GPS2: variants seen among roughly 807,000 people sequenced by gnomAD.
The protein encoded by GPS2 is GPS-2.
GPS2 carries 22 observed loss-of-function variants against 48.1 expected under a neutral mutation model. That is an observed-to-expected ratio of 0.46 (90% CI 0.33 to 0.65). GPS2 has a LOEUF of 0.65. Ranked by LOEUF, GPS2 falls within the 30% of genes least tolerant of loss-of-function variation. The probability of loss-of-function intolerance (pLI) is 0.03; values close to 1 mark genes in which losing one functional copy is unlikely to be tolerated. For synonymous variants in GPS2, 202 were observed against 142.5 expected (o/e 1.42, Z -2.98); for missense variants, 366 against 406.8 (o/e 0.90, Z 0.86).
At position 7,312,713 on chromosome 17, in the gene GPS2, A is replaced by G. The variant is rs778631531; in HGVS notation, c.*43T>C. On this transcript the variant is annotated 3_prime_UTR_variant, in exon 11 of 11. Transcript: ENST00000380728. Reference sequence around the variant, plus strand: ...GGACACACAGGGGATACCCTCACCCACGATGGGGTGGGGGGTGTGGTGTTG... The same window carrying G: ...GGACACACAGGGGATACCCTCACCCGCGATGGGGTGGGGGGTGTGGTGTTG... 1.4e-6 allele frequency: 2 copies of G among 1,456,144 alleles called. No homozygotes were observed. Among genetic ancestry groups the G allele is most frequent in the African/African-American group, 1.4e-5 (1 of 71,924 alleles). 90.2% of individuals were successfully genotyped at this position (1,456,144 alleles called of 1,614,324 possible).
chr17:7,313,836 G>T, intron 6 of GPS2, 70 bp downstream of exon 6: 1 of 1,565,882 alleles, frequency 6.4e-7, no homozygotes, highest in South Asian at 1.1e-5. Context: ...ATATGTTTGT[G>T]ACTTGAATAC....
Position 7,313,239 on chromosome 17 carries a change from A to G in GPS2, c.777T>C (p.Ala259=). Residue 259 remains alanine (A), a synonymous_variant, in exon 9 of 11, where the codon GCT becomes GCC. Transcript: ENST00000380728. ...ALSLQKQMEH[A]NQQTGFSDSS... ...AGTCGGAGAAGCCAGTCTGCTGGTT[A>G]GCATGTTCCATCTGCTTTTGCAAGG... 5.0e-6 allele frequency: 8 copies of G among 1,614,210 alleles called. No homozygotes were observed. Among genetic ancestry groups the G allele is most frequent in the Non-Finnish European group, 6.8e-6 (8 of 1,180,028 alleles).
intron 2 of GPS2, 102 bp from the exon 3 acceptor site, chr17:7,314,699 T>A: frequency 1.3e-6 from 2 of 1,587,276 alleles, no homozygotes; most frequent in Non-Finnish European, 1.7e-6. Context: ...CACGCCTGTA[T>A]GCTCTTTGCC....
chr17:7,314,224 G>A (rs868224295), intron 4 of GPS2, 65 bp from the exon 5 acceptor site: 2 of 1,591,408 alleles, frequency 1.3e-6, no homozygotes, highest in Non-Finnish European at 1.7e-6. Flanking sequence ...ATTAAACACT[G>A]GTTCTTTTAC....
In GPS2 at chr17:7,314,408, G is replaced by A. The variant is rs745728690; in HGVS notation, c.205-5C>T. 15 of 1,614,166 alleles carry A rather than the reference G, an allele frequency of 9.3e-6. No homozygotes were observed. In the South Asian group the frequency reaches 1.2e-4, roughly 13 times the overall value. ...CTTCTCCTCCAACTTCAGAATCTGGGATGGGGTGGGAAAAGAAGATGAAGG... is the reference window on the plus strand; with the variant it reads ...CTTCTCCTCCAACTTCAGAATCTGGAATGGGGTGGGAAAAGAAGATGAAGG... On this transcript the variant is annotated splice_region_variant and splice_polypyrimidine_tract_variant and intron_variant, in intron 3 of 10. Coordinates refer to ENST00000380728, the MANE Select transcript of GPS2 (RefSeq NM_004489.5).
chr17:7,313,386 G>C lies in GPS2; in HGVS notation c.718C>G (p.Gln240Glu). The part of the protein sequence containing the change: ...YAVHGHFQPT[Q>E]TGFLQPGGAL... ...CTGCATGGGATGTTATCACCTGTCTGAGTGGGCTGAAAGTGGCCATGCACA... is the reference window on the plus strand; with the variant it reads ...CTGCATGGGATGTTATCACCTGTCTCAGTGGGCTGAAAGTGGCCATGCACA... Residue 240 changes from glutamine to glutamate, a missense_variant, in exon 8 of 11, where the codon CAG becomes GAG. Physicochemically the swap from Gln to Glu is conservative, Grantham distance 29 (BLOSUM62 2). Coordinates refer to ENST00000380728, the MANE Select transcript of GPS2 (RefSeq NM_004489.5). The C allele has an allele frequency of 1.2e-6, 2 of 1,613,998 alleles. No homozygotes were observed. The highest frequency in any genetic ancestry group is 8.5e-7 in the Non-Finnish European group (1 of 1,179,840).
rs750554612 is a variant in GPS2 at position 7,315,005 on chromosome 17, C to A, written c.48G>T (p.Arg16Ser). ...CCATCATAATGTGCCGGTGCAGCGC[C>A]CTGGCCATGGCGTTGGAAAGCTTGG... is the stretch of plus-strand genomic sequence containing the variant. ...ERPKLSNAMA[R>S]ALHRHIMMER... Residue 16 changes from arginine (R) to serine (S), a missense_variant, in exon 2 of 11, where the codon AGG becomes AGT. Physicochemically the swap from Arg to Ser is moderately radical, Grantham distance 110 (BLOSUM62 -1). Coordinates refer to ENST00000380728, the MANE Select transcript of GPS2 (RefSeq NM_004489.5). 1 of 1,604,104 alleles carries A rather than the reference C, an allele frequency of 6.2e-7. No individual in the cohort carries two copies. The highest frequency in any genetic ancestry group is 8.5e-7 in the Non-Finnish European group (1 of 1,176,172).
At chr17:7,312,990 G>T in intron 10 of GPS2, 39 bp downstream of exon 10, 1 of 1,479,318 alleles carries the variant, frequency 6.8e-7, no homozygotes, top group South Asian at 1.2e-5. Context: ...GATCCCTAGT[G>T]TAGGGATTCT....
Position 7,312,682 on chromosome 17 carries a change from G to A in GPS2, c.*74C>T, listed in dbSNP as rs1311827947. On this transcript the variant is annotated 3_prime_UTR_variant, in exon 11 of 11. Transcript: ENST00000380728. ...GGGGCAGTGGCAGGTAGATTTTATTGGCCTGGGACACACAGGGGATACCCT... is the reference window on the plus strand; with the variant it reads ...GGGGCAGTGGCAGGTAGATTTTATTAGCCTGGGACACACAGGGGATACCCT... The A allele has an allele frequency of 6.0e-5, 71 of 1,184,208 alleles. No homozygotes were observed. In the East Asian group the frequency reaches 1.6e-3, roughly 27 times the overall value. The allele number at this position is 1,184,208 out of a possible 1,614,324, so 73.4% of individuals were successfully genotyped here.
intron 2 of GPS2, 163 bp from the exon 3 acceptor site, chr17:7,314,760 C>T (rs1322757438): frequency 7.1e-7 from 1 of 1,399,740 alleles, no homozygotes; most frequent in East Asian, 2.3e-5. Flanking sequence ...AAGGCTTTAT[C>T]AGGTGCTCTC....
Position 7,312,737 on chromosome 17 carries a change from TGAA to T in GPS2, c.*16_*18del, listed in dbSNP as rs1185139906. The T allele has an allele frequency of 5.0e-6, 8 of 1,598,550 alleles. No homozygotes were observed. The highest frequency in any genetic ancestry group is 6.9e-6 in the Non-Finnish European group (8 of 1,165,970). The stretch of plus-strand genomic sequence containing the variant: ...CACGATGGGGTGGGGGGTGTGGTGT[TGAA>T]GATATAATCTGATGGTCACTTGTGG... On this transcript the variant is annotated 3_prime_UTR_variant, in exon 11 of 11. Coordinates refer to ENST00000380728, the MANE Select transcript of GPS2 (RefSeq NM_004489.5).
At chr17:7,312,996 A>T in intron 10 of GPS2, 33 bp downstream of exon 10, 1 of 1,512,236 alleles carries the variant, frequency 6.6e-7, no homozygotes, top group South Asian at 1.2e-5. Context: ...TAGTGTAGGG[A>T]TTCTGACAGG....
rs1410562729 is a variant in GPS2 at position 7,313,077 on chromosome 17, T to G, written c.852A>C (p.Gly284=). 1.3e-6 allele frequency: 2 copies of G among 1,568,384 alleles called. No individual in the cohort carries two copies. Among genetic ancestry groups the G allele is most frequent in the South Asian group, 1.2e-5 (1 of 83,682 alleles). The part of the protein sequence containing the change: ...MHPQALHPAP[G]LLASPQLPVQ... ...CAGGGAGCTGGGGGGAAGCAAGGAG[T>G]CCAGGGGCTGGATGCAGAGCCTGGG... The change falls in exon 10 of 11, where the codon GGA becomes GGC. Residue 284 remains glycine, a synonymous_variant. Coordinates refer to ENST00000380728, the MANE Select transcript of GPS2 (RefSeq NM_004489.5).
Position 7,315,072 on chromosome 17 carries a change from G to A in GPS2, c.-20C>T, listed in dbSNP as rs1192458296. 4 of 1,555,048 alleles carry A rather than the reference G, an allele frequency of 2.6e-6. No homozygotes were observed. The highest frequency in any genetic ancestry group is 3.5e-6 in the Non-Finnish European group (4 of 1,151,296). On this transcript the variant is annotated 5_prime_UTR_variant, in exon 2 of 11. Coordinates refer to ENST00000380728, the MANE Select transcript of GPS2 (RefSeq NM_004489.5). ...GGGCATGGTGCTGCCGTGGGCGCTC[G>A]GGCCGTGGGCGCCCGGCTGTCTCTG...
At chr17:7,314,054 C>T in intron 5 of GPS2, 26 bp downstream of exon 5, 1 of 1,611,494 alleles carries the variant, frequency 6.2e-7, no homozygotes, top group South Asian at 1.1e-5. Context: ...AGGCCGGTTC[C>T]ATCTGGTGGT....
rs376328573 is a variant in GPS2, at chr17:7,313,598, G to C, written c.604C>G (p.Pro202Ala). ...QPPPHYGPTQ[P>A]AYSPSQQLRA... ...AGCTGCTGACTAGGACTATAAGCTG[G>C]CTGTGTGGGCCCATAGTGAGGTGGG... Residue 202 changes from proline (P) to alanine (A), a missense_variant, in exon 7 of 11, where the codon CCA becomes GCA. Pro to Ala is a conservative substitution (Grantham distance 27). Coordinates refer to ENST00000380728, the MANE Select transcript of GPS2 (RefSeq NM_004489.5). The C allele has an allele frequency of 3.0e-5, 49 of 1,613,966 alleles. No individual in the cohort carries two copies. Among genetic ancestry groups the C allele is most frequent in the African/African-American group, 5.3e-5 (4 of 74,874 alleles).
Position 7,313,688 on chromosome 17 carries a change from C to G in GPS2, c.514G>C (p.Ala172Pro). 6.2e-7 allele frequency: 1 copy of G among 1,614,120 alleles called. No homozygotes were observed. Among genetic ancestry groups the G allele is most frequent in the Non-Finnish European group, 8.5e-7 (1 of 1,180,020 alleles). Reference sequence around the variant, plus strand: ...AATTGTCCATGCTCTGGTGTCCCTGCAAAAGCAGCTGCTGAGCCCACGTAG... The same window carrying G: ...AATTGTCCATGCTCTGGTGTCCCTGGAAAAGCAGCTGCTGAGCCCACGTAG... The part of the protein sequence containing the change: ...RHYVGSAAAF[A>P]GTPEHGQFQG... Residue 172 changes from alanine (A) to proline (P), a missense_variant, in exon 7 of 11, where the codon GCA becomes CCA. Physicochemically the swap from Ala to Pro is conservative, Grantham distance 27. Coordinates refer to ENST00000380728, the MANE Select transcript of GPS2 (RefSeq NM_004489.5).
Position 7,315,096 on chromosome 17 carries a change from T to C in GPS2, c.-44A>G. 4 of 1,480,344 alleles carry C rather than the reference T, an allele frequency of 2.7e-6. No individual in the cohort carries two copies. Among genetic ancestry groups the C allele is most frequent in the Non-Finnish European group, 3.6e-6 (4 of 1,096,696 alleles). The allele number at this position is 1,480,344 out of a possible 1,614,324, so 91.7% of individuals were successfully genotyped here. A position where few individuals can be genotyped will look rare whatever the true frequency, so the allele number is the denominator to read the frequency against. On this transcript the variant is annotated 5_prime_UTR_variant, in exon 2 of 11. Transcript: ENST00000380728. ...CGGGCCGTGGGCGCCCGGCTGTCTC[T>C]GACTGCCAGACCTCAGACGGGGCCT...
At position 7,313,713 on chromosome 17, in the gene GPS2, G is replaced by A. The variant is rs751195748; in HGVS notation, c.489C>T (p.His163=). The A allele has an allele frequency of 6.2e-7, 1 of 1,614,032 alleles. No homozygotes were observed. The highest frequency in any genetic ancestry group is 1.1e-5 in the South Asian group (1 of 91,070). The change falls in exon 7 of 11, where the codon CAC becomes CAT. Residue 163 remains histidine (H), a synonymous_variant. Transcript: ENST00000380728. ...CAAAAGCAGCTGCTGAGCCCACGTA[G>A]TGCCGGGTCTAAGGAAGGAGAATGA... ...MFGPQVLTTR[H]YVGSAAAFAG... is the part of the protein sequence containing the mutation.
Sources: gnomAD v4.1 joint callset for allele counts on GRCh38, gnomAD v4.1.1 for gene constraint, MANE v1.5 for transcripts, NCBI Gene and HGNC (gene_info 2026-07-23, HGNC 2026-07-21) for gene names.